Variants in MSN observed in about 807,000 individuals in gnomAD.
MSN encodes the protein epididymis luminal protein 70.
Under a neutral mutation model 48.0 loss-of-function variants are expected in MSN, and 2 were observed. The ratio of observed to expected loss-of-function variants is 0.04; its 90% CI spans 0.02 to 0.13. MSN has a LOEUF of 0.13. Ranked by LOEUF, MSN falls within the 10% of genes least tolerant of loss-of-function variation. The pLI, the probability that MSN is intolerant of heterozygous loss-of-function variation, is 1.00. For synonymous variants in MSN, 146 were observed against 166.9 expected (o/e 0.87, Z 0.97); for missense variants, 267 against 470.1 (o/e 0.57, Z 3.99).
intron 1 of MSN, among the ~76,000 whole-genome samples, chrX:65,708,021 T>G (rs937526657): frequency 1.8e-5 from 2 of 109,370 alleles, no homozygotes; most frequent in Non-Finnish European, 3.8e-5. Context: ...TTAACTTGAT[T>G]TTTTTTTTTA....
chrX:65,739,744 C>G lies in MSN; in HGVS notation c.1585C>G (p.Leu529Val). The change falls in exon 13 of 13, where the codon CTG becomes GTG. Residue 529 changes from leucine to valine, a missense_variant. Physicochemically the swap from Leu to Val is conservative, Grantham distance 32. Transcript: ENST00000360270. The part of the protein sequence containing the change: ...QKHLKALTSE[L>V]ANARDESKKT... Reference sequence around the variant, plus strand: ...ATCCTCACAGGCCCTCACTTCGGAGCTGGCCAATGCCAGAGATGAGTCCAA... The same window carrying G: ...ATCCTCACAGGCCCTCACTTCGGAGGTGGCCAATGCCAGAGATGAGTCCAA... 8.3e-7 allele frequency: 1 copy of G among 1,209,851 alleles called. No homozygotes were observed.
chrX:65,720,350 C>G (rs1006552767), intron 2 of MSN, among the ~76,000 whole-genome samples: 1 of 112,233 alleles, frequency 8.9e-6, no homozygotes. Context: ...GGAAGATATG[C>G]TTTCTGTCTT....
upstream of MSN, among the ~76,000 whole-genome samples, chrX:65,664,148 G>A (rs758964868): frequency 2.2e-4 from 24 of 111,288 alleles, no homozygotes; most frequent in African/African-American, 7.2e-4. Flanking sequence ...CCATAGAAAA[G>A]AATAAAATTA....
At chrX:65,729,216 G>T (rs900079863) in intron 3 of MSN, among the ~76,000 whole-genome samples, 2 of 111,618 alleles carry the variant, frequency 1.8e-5, no homozygotes, top group African/African-American at 6.5e-5. Context: ...CGGTATTAAG[G>T]TAATTTCAGG....
Position 65,740,344 on chromosome X carries a change from C to G in MSN, c.*451C>G, listed in dbSNP as rs1175884960. On this transcript the variant is annotated 3_prime_UTR_variant, in exon 13 of 13. Coordinates refer to ENST00000360270, the MANE Select transcript of MSN (RefSeq NM_002444.3). ...TGCGGTCTAGGGAATGAGACAGGACCTAGGATATCTTCTCCAGGATGTCAA... is the reference window on the plus strand; with the variant it reads ...TGCGGTCTAGGGAATGAGACAGGACGTAGGATATCTTCTCCAGGATGTCAA... 1.1e-5 allele frequency: 2 copies of G among 177,599 alleles called. No individual in the cohort carries two copies. Among genetic ancestry groups the G allele is most frequent in the Non-Finnish European group, 2.1e-5 (2 of 94,028 alleles). 14.6% of individuals were successfully genotyped at this position (177,599 alleles called of 1,213,427 possible). A position where few individuals can be genotyped will look rare whatever the true frequency, so the allele number is the denominator to read the frequency against.
At chrX:65,660,621 C>A (rs1207881295) in intron 1 of MSN, among the ~76,000 whole-genome samples, 1 of 102,864 alleles carries the variant, frequency 9.7e-6, no homozygotes, top group East Asian at 3.0e-4. Context: ...GGCTGGAGTG[C>A]AGTGGCGCCG....
intron 1 of MSN, among the ~76,000 whole-genome samples, chrX:65,635,765 T>C (rs536314108): frequency 1.2e-4 from 13 of 111,781 alleles, no homozygotes; most frequent in African/African-American, 4.2e-4. Flanking sequence ...TGGGACATCA[T>C]GGAAGAGAAG....
chrX:65,695,521 A>C (rs1260046996), intron 1 of MSN, among the ~76,000 whole-genome samples: 12 of 107,339 alleles, frequency 1.1e-4, no homozygotes, highest in Admixed American at 4.0e-4. Context: ...AAAAAAAAAA[A>C]AAAAAAAAAA....
chrX:65,593,304 T>A (rs2070162788), intron 1 of MSN: 1 of 110,939 alleles, frequency 9.0e-6, no homozygotes, highest in Non-Finnish European at 1.9e-5. Flanking sequence ...GCCACTGGGT[T>A]GTCTGAGAAG....
chrX:65,693,850 C>G (rs2071200457), intron 1 of MSN, among the ~76,000 whole-genome samples: 1 of 111,092 alleles, frequency 9.0e-6, no homozygotes, highest in Non-Finnish European at 1.9e-5. Flanking sequence ...TCAGGAGATC[C>G]AGACCATCCT....
At chrX:65,622,097 T>C (rs1266933018) in intron 1 of MSN, among the ~76,000 whole-genome samples, 2 of 74,002 alleles carry the variant, frequency 2.7e-5, no homozygotes, top group Non-Finnish European at 4.4e-5. Context: ...TTTTCTTTTC[T>C]TTTTTTTTTT....
At chrX:65,618,607 A>C (rs2070400156) in intron 1 of MSN, among the ~76,000 whole-genome samples, 1 of 111,235 alleles carries the variant, frequency 9.0e-6, no homozygotes, top group Non-Finnish European at 1.9e-5. Context: ...GTGTCTCTGC[A>C]TGTGAGATGG....
At chrX:65,734,457 C>G in intron 7 of MSN, among the ~76,000 whole-genome samples, 1 of 111,642 alleles carries the variant, frequency 9.0e-6, no homozygotes, top group Non-Finnish European at 1.9e-5. Context: ...CAAGATCACA[C>G]AGCTAAAAAT....
chrX:65,691,893 C>T (rs1002508017), intron 1 of MSN, among the ~76,000 whole-genome samples: 1 of 111,491 alleles, frequency 9.0e-6, no homozygotes, highest in East Asian at 2.8e-4. Flanking sequence ...TTTCTTCCCA[C>T]CACTTTTGAG....
chrX:65,733,081 A>T, intron 6 of MSN, 103 bp from the exon 7 acceptor site: 1 of 524,100 alleles, frequency 1.9e-6, no homozygotes, highest in Non-Finnish European at 3.2e-6. Context: ...AAAGAGAGAG[A>T]GAGACATAGA....
intron 11 of MSN, 99 bp from the exon 12 acceptor site, chrX:65,738,871 C>G: frequency 1.1e-6 from 1 of 871,536 alleles, no homozygotes; most frequent in African/African-American, 1.9e-5. Context: ...CTTGTCCTAC[C>G]TGGTGCCTGC....
chrX:65,716,408 T>A, intron 1 of MSN: 1 of 202,444 alleles, frequency 4.9e-6, no homozygotes, highest in Non-Finnish European at 9.7e-6. Flanking sequence ...CCCAAGTAGC[T>A]TGAACTACAG....
Position 65,739,739 on chromosome X carries a change from C to T in MSN, c.1580C>T (p.Ser527Leu), listed in dbSNP as rs774679103. Residue 527 changes from serine to leucine, a missense_variant, in exon 13 of 13, where the codon TCG (serine) becomes TTG (leucine). Ser to Leu is a moderately radical substitution (Grantham distance 145). Around this residue, in one of 5 missense-constraint regions of MSN, gnomAD observed 48 missense variants for 115.5 expected, o/e 0.42. Coordinates refer to ENST00000360270, the MANE Select transcript of MSN (RefSeq NM_002444.3). ...CATACATCCTCACAGGCCCTCACTT[C>T]GGAGCTGGCCAATGCCAGAGATGAG... is the stretch of plus-strand genomic sequence containing the variant. ...RVQKHLKALT[S>L]ELANARDESK... 5.8e-6 allele frequency: 7 copies of T among 1,207,073 alleles called. No individual in the cohort carries two copies. The highest frequency in any genetic ancestry group is 1.8e-5 in the South Asian group (1 of 56,377).
chrX:65,589,760 G>A (rs749866882), intron 1 of MSN: 1 of 110,986 alleles, frequency 9.0e-6, no homozygotes, highest in Non-Finnish European at 1.9e-5. Context: ...CACCATGAGG[G>A]CCTTTCCAGG....
Sources: allele counts gnomAD v4.1 joint callset (sites outside exome capture counted in the v4.1 genomes callset), GRCh38; gene constraint gnomAD v4.1.1; regional missense constraint gnomAD v4.1.1; transcripts MANE v1.5; gene names NCBI Gene and HGNC (gene_info 2026-07-23, HGNC 2026-07-21).